RBFOX1: variants seen among roughly 807,000 people sequenced by gnomAD.
RBFOX1 encodes RNA binding fox-1 homolog 1.
RBFOX1 carries 8 observed loss-of-function variants against 57.7 expected under a neutral mutation model. The observed-to-expected ratio is 0.14, with a 90% CI of 0.08 to 0.25. The LOEUF (loss-of-function observed/expected upper bound fraction) is 0.25. Ranked by LOEUF, RBFOX1 falls within the 10% of genes least tolerant of loss-of-function variation. The pLI is 1.00. For synonymous variants in RBFOX1, 326 were observed against 222.4 expected (o/e 1.47, Z -4.15); for missense variants, 611 against 548.5 (o/e 1.11, Z -1.14).
intron 3 of RBFOX1, among the ~76,000 whole-genome samples, chr16:6,735,996 A>G (rs1448760198): frequency 8.5e-3 from 1 of 118 alleles, no homozygotes; most frequent in African/African-American, 0.036. Context: ...GCTCAAGGGT[A>G]ATTAACTTCT....
chr16:6,389,157 G>T (rs533964218), intron 2 of RBFOX1, among the ~76,000 whole-genome samples: 1 of 152,286 alleles, frequency 6.6e-6, no homozygotes, highest in South Asian at 2.1e-4. Context: ...TCATGAGGAG[G>T]ACTCAGATGA....
intron 4 of RBFOX1, among the ~76,000 whole-genome samples, chr16:7,360,164 C>A (rs554903008): frequency 1.1e-4 from 17 of 152,092 alleles, no homozygotes; most frequent in Non-Finnish European, 1.5e-5. Context: ...CTATTTAATA[C>A]GCTACATGCA....
chr16:5,828,383 A>G (rs1233523153), intron 3 of RBFOX1, among the ~76,000 whole-genome samples: 1 of 152,208 alleles, frequency 6.6e-6, no homozygotes. Context: ...GGTCTGAGTG[A>G]GTGACATCTT....
intron 4 of RBFOX1, among the ~76,000 whole-genome samples, chr16:7,458,289 G>C (rs527690908): frequency 1.0e-3 from 158 of 152,234 alleles, no homozygotes; most frequent in South Asian, 2.1e-3. Context: ...GGAATTATGT[G>C]ATTGTGTGTC....
chr16:6,450,768 T>TAC (rs2094576632), intron 2 of RBFOX1, among the ~76,000 whole-genome samples: 9 of 18,042 alleles, frequency 5.0e-4, no homozygotes, highest in Admixed American at 2.8e-3. Context: ...TATATATGTG[T>TAC]ATATATATAT....
chr16:5,493,661 G>A (rs1164973383), intron 2 of RBFOX1, among the ~76,000 whole-genome samples: 1 of 152,208 alleles, frequency 6.6e-6, no homozygotes, highest in African/African-American at 2.4e-5. Context: ...GATTGATGGA[G>A]TAGCCTGGGA....
chr16:5,664,331 C>T (rs145535794), intron 3 of RBFOX1, among the ~76,000 whole-genome samples: 5 of 152,158 alleles, frequency 3.3e-5, no homozygotes, highest in East Asian at 3.9e-4. Context: ...GGGCAGATCA[C>T]GAGGTTGAGA....
intron 2 of RBFOX1, among the ~76,000 whole-genome samples, chr16:5,486,246 T>C (rs13330672): frequency 0.026 from 3,894 of 152,278 alleles, 168 homozygotes; most frequent in African/African-American, 0.089. Flanking sequence ...TAGGGTTCCA[T>C]CAAGGGTCAT....
chr16:6,814,434 G>T (rs2089575184), intron 3 of RBFOX1, among the ~76,000 whole-genome samples: 1 of 152,126 alleles, frequency 6.6e-6, no homozygotes, highest in African/African-American at 2.4e-5. Context: ...GACATTGGGT[G>T]GTAGAAGCAG....
In RBFOX1 at chr16:6,854,587, A is replaced by ATTTTTTTTTTTTTTTTTTTTT. The variant is rs71147611; in HGVS notation, c.-15-197465_-15-197445dup. On this transcript the variant is annotated intron_variant, in intron 3 of 15. Coordinates refer to ENST00000550418, the MANE Select transcript of RBFOX1 (RefSeq NM_018723.4). ...CCTCCCTGCCAACTAGGAGAGGTGAATTTTTTTTTTTTTTTTTTTTTTTTT... is the reference window on the plus strand; with the variant it reads ...CCTCCCTGCCAACTAGGAGAGGTGAATTTTTTTTTTTTTTTTTTTTTTTTTTTTTTTTTTTTTTTTTTTTTT... Among the ~76,000 whole-genome samples the ATTTTTTTTTTTTTTTTTTTTT allele has an allele frequency of 1.3e-4, 9 of 70,648 alleles. 1 individual carries two copies. Among genetic ancestry groups the ATTTTTTTTTTTTTTTTTTTTT allele is most frequent in the Non-Finnish European group, 1.8e-4 (7 of 39,148 alleles). 46.3% of individuals were successfully genotyped at this position (70,648 alleles called of 152,430 possible). A position where few individuals can be genotyped will look rare whatever the true frequency, so the allele number is the denominator to read the frequency against.
intron 2 of RBFOX1, among the ~76,000 whole-genome samples, chr16:6,497,487 A>C (rs1484983195): frequency 6.6e-6 from 1 of 152,242 alleles, no homozygotes; most frequent in Admixed American, 6.5e-5. Flanking sequence ...ACAGCTCTTC[A>C]AAATGCCGCA....
At chr16:5,375,493 G>C (rs1596726926) in intron 1 of RBFOX1, among the ~76,000 whole-genome samples, 2 of 152,310 alleles carry the variant, frequency 1.3e-5, no homozygotes, top group East Asian at 3.9e-4. Context: ...GTGTTCTGTG[G>C]GGAGGGCCAG....
intron 3 of RBFOX1, among the ~76,000 whole-genome samples, chr16:5,684,209 C>T (rs1254810963): frequency 7.2e-5 from 11 of 152,086 alleles, no homozygotes; most frequent in African/African-American, 1.7e-4. Flanking sequence ...GCGCCCTCTT[C>T]GAGGGCTGAC....
At chr16:6,797,267 C>T (rs2084288383) in intron 3 of RBFOX1, among the ~76,000 whole-genome samples, 1 of 152,076 alleles carries the variant, frequency 6.6e-6, no homozygotes, top group South Asian at 2.1e-4. Context: ...ATAACGCTGT[C>T]CTTAGGATCC....
intron 4 of RBFOX1, among the ~76,000 whole-genome samples, chr16:7,455,730 T>C (rs951142969): frequency 9.4e-5 from 13 of 138,480 alleles, no homozygotes; most frequent in Non-Finnish European, 1.8e-4. Flanking sequence ...GAGGTTGCAA[T>C]GAGCCGAGAT....
intron 4 of RBFOX1, among the ~76,000 whole-genome samples, chr16:7,346,463 C>A (rs1046160215): frequency 1.3e-5 from 2 of 152,102 alleles, no homozygotes; most frequent in Admixed American, 1.3e-4. Context: ...GATAATGTCT[C>A]TGCTTTCTGG....
At chr16:7,637,120 C>A (rs1238950999) in intron 11 of RBFOX1, among the ~76,000 whole-genome samples, 1 of 152,184 alleles carries the variant, frequency 6.6e-6, no homozygotes, top group Admixed American at 6.5e-5. Context: ...CTTTATTGTT[C>A]CGTATGCTTA....
At chr16:7,538,172 G>A (rs1228717076) in intron 5 of RBFOX1, among the ~76,000 whole-genome samples, 1 of 152,180 alleles carries the variant, frequency 6.6e-6, no homozygotes, top group African/African-American at 2.4e-5. Context: ...GGACCTGCCA[G>A]AAGATCTGAG....
At chr16:6,156,402 A>G (rs2096838709) in intron 1 of RBFOX1, among the ~76,000 whole-genome samples, 1 of 152,262 alleles carries the variant, frequency 6.6e-6, no homozygotes, top group Admixed American at 6.5e-5. Flanking sequence ...TGCTTTGACC[A>G]ACAATAAAAC....
Sources: allele counts gnomAD v4.1 joint callset (sites outside exome capture counted in the v4.1 genomes callset), GRCh38; gene constraint gnomAD v4.1.1; transcripts MANE v1.5; gene names NCBI Gene and HGNC (gene_info 2026-07-23, HGNC 2026-07-21).